Variants in LARGE1 observed in about 807,000 individuals in gnomAD.
LARGE1 encodes the protein LARGE xylosyl- and glucuronyltransferase 1.
A neutral mutation model predicts 87.6 loss-of-function variants in LARGE1; 43 were observed. The observed-to-expected ratio is 0.49, with a 90% CI of 0.38 to 0.63. The LOEUF (loss-of-function observed/expected upper bound fraction) is 0.63, where lower values mean the gene tolerates loss of function less well. Ranked by LOEUF, LARGE1 falls within the 30% of genes least tolerant of loss-of-function variation. The pLI, the probability that LARGE1 is intolerant of heterozygous loss-of-function variation, is 0.00. For missense variants in LARGE1, 802 were observed against 1,000.2 expected (o/e 0.80, Z 2.67); for synonymous variants, 434 against 394.6 (o/e 1.10, Z -1.18).
At chr22:33,344,881 C>T (rs948656496) in intron 9 of LARGE1, among the ~76,000 whole-genome samples, 1 of 151,778 alleles carries the variant, frequency 6.6e-6, no homozygotes, top group Non-Finnish European at 1.5e-5. Context: ...AAGGATCAGC[C>T]ATCATTGCTG....
chr22:33,068,648 AAAAT>A, the LARGE1 span, among the ~76,000 whole-genome samples: 1 of 152,132 alleles, frequency 6.6e-6, no homozygotes, highest in Admixed American at 6.6e-5. Context: ...GTGTCTCAAA[AAAAT>A]AAATAAATAA....
intron 13 of LARGE1, among the ~76,000 whole-genome samples, chr22:33,282,616 A>G (rs933263961): frequency 7.2e-5 from 11 of 152,150 alleles, no homozygotes; most frequent in Admixed American, 7.2e-4. Flanking sequence ...CCTGGGAAAA[A>G]AGGAAAATCA....
intron 1 of LARGE1, among the ~76,000 whole-genome samples, chr22:33,779,086 G>C (rs968886035): frequency 1.3e-5 from 2 of 151,882 alleles, no homozygotes; most frequent in African/African-American, 4.8e-5. Flanking sequence ...ACAAACATTT[G>C]CGCGTAAGTA....
At chr22:33,506,503 A>G (rs2070774038) in intron 6 of LARGE1, among the ~76,000 whole-genome samples, 1 of 152,168 alleles carries the variant, frequency 6.6e-6, no homozygotes, top group Non-Finnish European at 1.5e-5. Flanking sequence ...GAGCCAGATG[A>G]TGACTCTGCA....
chr22:33,096,221 G>C, the LARGE1 span, among the ~76,000 whole-genome samples: 1 of 152,014 alleles, frequency 6.6e-6, no homozygotes, highest in Admixed American at 6.6e-5. Context: ...TTTGAGACCA[G>C]CCTGGCCAAC....
At chr22:33,165,265 A>T (rs1447458950) in exon 12 of LARGE1, 2 of 152,214 alleles carry the variant, frequency 1.3e-5, no homozygotes, top group African/African-American at 4.8e-5. Flanking sequence ...AACCTTGATG[A>T]TAGTTGAGAT....
intron 5 of LARGE1, among the ~76,000 whole-genome samples, chr22:33,566,774 G>C (rs2078040657): frequency 6.6e-6 from 1 of 152,190 alleles, no homozygotes; most frequent in Non-Finnish European, 1.5e-5. Flanking sequence ...ATTTTATAAA[G>C]TGCTGATTGG....
At chr22:33,581,661 A>T (rs1291831093) in intron 5 of LARGE1, among the ~76,000 whole-genome samples, 1 of 151,766 alleles carries the variant, frequency 6.6e-6, no homozygotes, top group Non-Finnish European at 1.5e-5. Context: ...AAAATACAAA[A>T]ATTAGCCGGG....
intron 6 of LARGE1, among the ~76,000 whole-genome samples, chr22:33,477,627 C>G (rs1569198725): frequency 6.6e-6 from 1 of 152,162 alleles, no homozygotes; most frequent in Non-Finnish European, 1.5e-5. Flanking sequence ...CCCACGTTCG[C>G]CACAAAATGC....
intron 6 of LARGE1, among the ~76,000 whole-genome samples, chr22:33,447,491 A>C (rs1354157211): frequency 3.3e-5 from 5 of 152,160 alleles, no homozygotes; most frequent in Admixed American, 3.3e-4. Flanking sequence ...TGAGCCCGGA[A>C]GGAAGGGGCA....
At chr22:33,652,516 C>T (rs1377469377) in intron 2 of LARGE1, among the ~76,000 whole-genome samples, 2 of 113,810 alleles carry the variant, frequency 1.8e-5, no homozygotes, top group East Asian at 5.0e-4. Context: ...TTCCACTCTG[C>T]AGAAATCCTG....
chr22:33,870,964 C>A (rs2064261278), intron 1 of LARGE1, among the ~76,000 whole-genome samples: 1 of 152,138 alleles, frequency 6.6e-6, no homozygotes, highest in Non-Finnish European at 1.5e-5. Flanking sequence ...GGATTCAAAC[C>A]CAGATCCAGA....
chr22:33,721,879 GTTTTTGTCTTTA>G (rs903823588), intron 2 of LARGE1, among the ~76,000 whole-genome samples: 2 of 152,122 alleles, frequency 1.3e-5, no homozygotes, highest in African/African-American at 4.8e-5. Context: ...CTTTATTTTT[GTTTTTGTCTTTA>G]TTTTTGTCTT....
At chr22:33,357,391 G>T (rs8137359) in intron 9 of LARGE1, among the ~76,000 whole-genome samples, 31,199 of 152,120 alleles carry the variant, frequency 0.21, 3,795 homozygotes, top group East Asian at 0.52. Flanking sequence ...GAGTAATTAC[G>T]TAATGGGTAC....
At chr22:33,567,242 G>C (rs1229274633) in intron 5 of LARGE1, among the ~76,000 whole-genome samples, 2 of 152,092 alleles carry the variant, frequency 1.3e-5, no homozygotes, top group Admixed American at 1.3e-4. Context: ...TTTAAGAGTA[G>C]TTGCTCATTT....
exon 12 of LARGE1, chr22:33,162,877 C>A (rs1362922312): frequency 6.6e-6 from 1 of 152,198 alleles, no homozygotes; most frequent in Non-Finnish European, 1.5e-5. Flanking sequence ...AAAAGGTTAA[C>A]ACTTGGACGT....
rs150922082 is a variant in LARGE1, at chr22:33,489,212, TAATGACA to T, written c.788-56954_788-56948del. On this transcript the variant is annotated intron_variant, in intron 6 of 14. Transcript: ENST00000397394. ...CAGAAAAGTAAATATTTAAGATACA[TAATGACA>T]AATGGTGATAGGTGCTACGAAGATC... Among the ~76,000 whole-genome samples, 55 of 152,322 alleles carry T rather than the reference TAATGACA, an allele frequency of 3.6e-4. No individual in the cohort carries two copies. In the East Asian group the frequency reaches 0.01, roughly 29 times the overall value.
intron 5 of LARGE1, among the ~76,000 whole-genome samples, chr22:33,575,470 T>C (rs1426130360): frequency 3.3e-5 from 5 of 152,152 alleles, no homozygotes. Flanking sequence ...CCTGTTTAAA[T>C]ACAAGCAGCT....
chr22:33,764,484 C>T (rs541988296), intron 1 of LARGE1, among the ~76,000 whole-genome samples: 1 of 152,210 alleles, frequency 6.6e-6, no homozygotes, highest in South Asian at 2.1e-4. Context: ...CCGGGTATTA[C>T]AGGTGGCTCA....
Sources: allele counts gnomAD v4.1 joint callset (sites outside exome capture counted in the v4.1 genomes callset), GRCh38; gene constraint gnomAD v4.1.1; transcripts MANE v1.5; gene names NCBI Gene and HGNC (gene_info 2026-07-23, HGNC 2026-07-21).